Variants in DNAJC6 observed in about 807,000 individuals in gnomAD.
DNAJC6 encodes the protein auxilin.
In DNAJC6, 34 loss-of-function variants were observed where a neutral mutation model predicts 110.0. The ratio of observed to expected loss-of-function variants is 0.31; its 90% CI spans 0.24 to 0.41. The LOEUF (loss-of-function observed/expected upper bound fraction) is 0.41, where lower values mean the gene tolerates loss of function less well. Ranked by LOEUF, DNAJC6 falls within the 10% of genes least tolerant of loss-of-function variation. DNAJC6 has a pLI of 1.00. For synonymous variants in DNAJC6, 406 were observed against 437.2 expected (o/e 0.93, Z 0.89); for missense variants, 1,031 against 1,207.8 (o/e 0.85, Z 2.17).
intron 1 of DNAJC6, among the ~76,000 whole-genome samples, chr1:65,326,014 A>G (rs1250773970): frequency 6.6e-6 from 1 of 152,244 alleles, no homozygotes; most frequent in Non-Finnish European, 1.5e-5. Flanking sequence ...TTATTATCCT[A>G]TGGGATGACT....
intron 1 of DNAJC6, among the ~76,000 whole-genome samples, chr1:65,350,542 T>C (rs1283557618): frequency 6.6e-6 from 1 of 152,246 alleles, no homozygotes; most frequent in Admixed American, 6.5e-5. Flanking sequence ...TGATAAACAT[T>C]GTGATGATAC....
intron 1 of DNAJC6, chr1:65,279,266 A>G (rs933971119): frequency 3.0e-6 from 2 of 665,174 alleles, no homozygotes; most frequent in Non-Finnish European, 3.7e-6. Context: ...CTGCTGTGAG[A>G]TAAATGGGAA....
At chr1:65,289,505 T>A (rs1654129840) in intron 1 of DNAJC6, among the ~76,000 whole-genome samples, 1 of 152,130 alleles carries the variant, frequency 6.6e-6, no homozygotes, top group Non-Finnish European at 1.5e-5. Context: ...GTCATTTAAA[T>A]TTTAGCCATT....
intron 1 of DNAJC6, among the ~76,000 whole-genome samples, chr1:65,354,548 C>T (rs1645523948): frequency 6.6e-6 from 1 of 152,118 alleles, no homozygotes; most frequent in Non-Finnish European, 1.5e-5. Context: ...ATTCATTCTC[C>T]TATGTTTATA....
chr1:65,369,554 G>A (rs1645686082), intron 4 of DNAJC6, among the ~76,000 whole-genome samples: 1 of 152,098 alleles, frequency 6.6e-6, no homozygotes, highest in East Asian at 1.9e-4. Flanking sequence ...GGTTTTATTT[G>A]TAGATTCATA....
chr1:65,359,071 A>G (rs1645574504), intron 1 of DNAJC6, among the ~76,000 whole-genome samples: 1 of 152,134 alleles, frequency 6.6e-6, no homozygotes, highest in African/African-American at 2.4e-5. Flanking sequence ...AAGCAGCCAC[A>G]CTTTTTTATA....
intron 1 of DNAJC6, among the ~76,000 whole-genome samples, chr1:65,346,201 C>T (rs1570307307): frequency 6.6e-6 from 1 of 152,120 alleles, no homozygotes; most frequent in African/African-American, 2.4e-5. Flanking sequence ...GAAGTGCCTA[C>T]TAATACAATT....
At chr1:65,267,794 A>G (rs1164191927) in intron 1 of DNAJC6, among the ~76,000 whole-genome samples, 2 of 152,050 alleles carry the variant, frequency 1.3e-5, no homozygotes, top group African/African-American at 4.8e-5. Context: ...GCCTTTTCCA[A>G]GCCTAGTTCT....
chr1:65,380,914 TTG>T (rs1184747442), intron 5 of DNAJC6, among the ~76,000 whole-genome samples: 1 of 100,210 alleles, frequency 1.0e-5, no homozygotes, highest in Admixed American at 1.0e-4. Flanking sequence ...GTTTTTTGTT[TTG>T]TTTTGTTTTT....
intron 13 of DNAJC6, among the ~76,000 whole-genome samples, chr1:65,397,699 C>A (rs550296905): frequency 3.3e-5 from 5 of 152,040 alleles, no homozygotes; most frequent in Admixed American, 2.6e-4. Context: ...TCAGATAGAA[C>A]GTACTAGCAA....
At chr1:65,395,939 A>G (rs1183026331) in intron 13 of DNAJC6, among the ~76,000 whole-genome samples, 1 of 152,210 alleles carries the variant, frequency 6.6e-6, no homozygotes, top group Non-Finnish European at 1.5e-5. Context: ...GTCGAAGTCT[A>G]TTGAACATTA....
intron 1 of DNAJC6, among the ~76,000 whole-genome samples, chr1:65,301,241 A>G (rs1257881783): frequency 6.6e-6 from 1 of 152,194 alleles, no homozygotes; most frequent in African/African-American, 2.4e-5. Flanking sequence ...TGTGTGTGGA[A>G]AAACACACTC....
chr1:65,364,830 C>T (rs1221281380), intron 2 of DNAJC6, 45 bp downstream of exon 2: 2 of 1,604,068 alleles, frequency 1.2e-6, no homozygotes, highest in East Asian at 2.2e-5. Flanking sequence ...CCCATGCTCT[C>T]AAAGGATCTG....
rs71056098 is a variant in DNAJC6, at chr1:65,311,215, G to GTTTTTT, written c.193+1299_193+1304dup. Among the ~76,000 whole-genome samples, 147 of 68,884 alleles carry GTTTTTT rather than the reference G, an allele frequency of 2.1e-3. 31 individuals carry two copies. The highest frequency in any genetic ancestry group is 4.4e-3 in the African/African-American group (79 of 18,078). The allele number at this position is 68,884 out of a possible 152,430, so 45.2% of individuals were successfully genotyped here. A position where few individuals can be genotyped will look rare whatever the true frequency, so the allele number is the denominator to read the frequency against. ...CCAAGGGATTGATGGTTTCAGGACT[G>GTTTTTT]TTTTTTTTTTTTTTTTTTTTTTTTT... On this transcript the variant is annotated intron_variant, in intron 1 of 18. Coordinates refer to ENST00000371069, the MANE Select transcript of DNAJC6 (RefSeq NM_001256864.2).
upstream of DNAJC6, among the ~76,000 whole-genome samples, chr1:65,306,978 CTCTCTCT>C (rs1645046393): frequency 6.1e-5 from 2 of 32,608 alleles, no homozygotes; most frequent in Non-Finnish European, 1.1e-4. Context: ...CTGTTTCTCT[CTCTCTCT>C]CTCTCTCTCT....
chr1:65,288,214 G>A (rs1334400325), intron 1 of DNAJC6, among the ~76,000 whole-genome samples: 1 of 152,144 alleles, frequency 6.6e-6, no homozygotes, highest in East Asian at 1.9e-4. Context: ...GTCCTTAGGG[G>A]ATTCCACACT....
intron 1 of DNAJC6, among the ~76,000 whole-genome samples, chr1:65,338,263 A>G (rs756489488): frequency 1.3e-5 from 2 of 152,152 alleles, no homozygotes; most frequent in African/African-American, 2.4e-5. Context: ...CACCAGTGTA[A>G]TTACTTATTT....
Position 65,408,675 on chromosome 1 carries a change from A to T in DNAJC6, c.2526A>T (p.Leu842=). Residue 842 remains leucine (L), a synonymous_variant, in exon 17 of 19, where the codon CTA becomes CTT. Transcript: ENST00000371069. The part of the protein sequence containing the change: ...GKQKAADFED[L]LSGQGFNAHK... ...AAAAAGCAGCTGATTTTGAAGACCT[A>T]CTCTCTGGTCAAGGTTTCAATGCTC... 1 of 1,613,916 alleles carries T rather than the reference A, an allele frequency of 6.2e-7. No individual in the cohort carries two copies. The highest frequency in any genetic ancestry group is 2.2e-5 in the East Asian group (1 of 44,874).
At chr1:65,397,960 A>T (rs182529019) in intron 13 of DNAJC6, among the ~76,000 whole-genome samples, 245 of 152,080 alleles carry the variant, frequency 1.6e-3, no homozygotes, top group Middle Eastern at 3.4e-3. Context: ...TCCCAGTTGC[A>T]ATGTCAGTTT....
Sources: gnomAD v4.1 joint callset for allele counts (sites outside exome capture counted in the v4.1 genomes callset) on GRCh38, gnomAD v4.1.1 for gene constraint, MANE v1.5 for transcripts, NCBI Gene and HGNC (gene_info 2026-07-23, HGNC 2026-07-21) for gene names.